PLD5: variants seen among roughly 807,000 people sequenced by gnomAD.
The protein encoded by PLD5 is inactive phospholipase D5.
A neutral mutation model predicts 61.1 loss-of-function variants in PLD5; 36 were observed. The ratio of observed to expected loss-of-function variants is 0.59; its 90% CI spans 0.45 to 0.78. The LOEUF (loss-of-function observed/expected upper bound fraction) is 0.78. Among genes scored for constraint, PLD5 ranks in the 30% least tolerant of loss-of-function variants. The pLI, the probability that PLD5 is intolerant of heterozygous loss-of-function variation, is 0.00. For missense variants in PLD5, 515 were observed against 644.4 expected (o/e 0.80, Z 2.17); for synonymous variants, 243 against 242.8 (o/e 1.00, Z -0.01).
chr1:242,090,999 C>G (rs1305314894), intron 9 of PLD5, among the ~76,000 whole-genome samples: 2 of 151,940 alleles, frequency 1.3e-5, no homozygotes, highest in Non-Finnish European at 2.9e-5. Context: ...GCGATCCCCC[C>G]ACCTCAGCCT....
intron 1 of PLD5, among the ~76,000 whole-genome samples, chr1:242,375,824 G>A (rs1434335489): frequency 6.6e-6 from 1 of 152,086 alleles, no homozygotes; most frequent in Non-Finnish European, 1.5e-5. Flanking sequence ...CAGTGCTTAA[G>A]GTAACGGCCA....
At chr1:242,229,237 C>T (rs748252725) in intron 4 of PLD5, among the ~76,000 whole-genome samples, 4 of 152,212 alleles carry the variant, frequency 2.6e-5, no homozygotes, top group Admixed American at 6.5e-5. Flanking sequence ...TAAAGTTCCA[C>T]ATTCCCCATG....
intron 1 of PLD5, among the ~76,000 whole-genome samples, chr1:242,437,250 T>C (rs1263615538): frequency 6.6e-6 from 1 of 152,068 alleles, no homozygotes; most frequent in Non-Finnish European, 1.5e-5. Context: ...GGTGGATCGG[T>C]ATTATATTGG....
At chr1:242,496,120 C>T (rs548001828) in intron 1 of PLD5, among the ~76,000 whole-genome samples, 1 of 152,122 alleles carries the variant, frequency 6.6e-6, no homozygotes, top group East Asian at 1.9e-4. Context: ...ATTCCTAGAC[C>T]AAAATAATAT....
At position 242,297,402 on chromosome 1, in the gene PLD5, ACTTTTT is replaced by A. The variant is rs1405046631; in HGVS notation, c.327-8878_327-8873del. Among the ~76,000 whole-genome samples, 1,269 of 129,424 alleles carry A rather than the reference ACTTTTT, an allele frequency of 9.8e-3. 15 individuals are homozygous for A. Among genetic ancestry groups the A allele is most frequent in the African/African-American group, 0.021 (714 of 33,924 alleles). The allele number at this position is 129,424 out of a possible 152,430, so 84.9% of individuals were successfully genotyped here. ...CCCCCTTTTCCTATCACCCTTCAAGACTTTTTTTTTTTTTTTTTTTTTAAGGCAGGG... is the reference window on the plus strand; with the variant it reads ...CCCCCTTTTCCTATCACCCTTCAAGATTTTTTTTTTTTTTTTAAGGCAGGG... On this transcript the variant is annotated intron_variant, in intron 2 of 9. Coordinates refer to ENST00000536534, the MANE Select transcript of PLD5 (RefSeq NM_001372062.1).
intron 5 of PLD5, among the ~76,000 whole-genome samples, chr1:242,169,295 C>G (rs1442444353): frequency 2.0e-5 from 3 of 151,992 alleles, no homozygotes; most frequent in African/African-American, 4.8e-5. Context: ...GAGGGTGAGC[C>G]AAAGTAGGGT....
intron 1 of PLD5, among the ~76,000 whole-genome samples, chr1:242,491,423 A>G (rs1428165534): frequency 6.6e-6 from 1 of 152,246 alleles, no homozygotes; most frequent in Non-Finnish European, 1.5e-5. Flanking sequence ...ACAATTACAT[A>G]GATGCCTTAG....
At position 242,394,958 on chromosome 1, in the gene PLD5, AATAT is replaced by A. The variant is rs1207068428; in HGVS notation, c.190-46720_190-46717del. Among the ~76,000 whole-genome samples the A allele has an allele frequency of 3.0e-4, 21 of 69,748 alleles. 2 individuals are homozygous for A. Among genetic ancestry groups the A allele is most frequent in the African/African-American group, 1.0e-3 (18 of 17,210 alleles). 45.8% of individuals were successfully genotyped at this position (69,748 alleles called of 152,430 possible). ...ATATGAATATATATGATTATATATG[AATAT>A]ATATGATTATATATGAATATATATG... is the stretch of plus-strand genomic sequence containing the variant. On this transcript the variant is annotated intron_variant, in intron 1 of 9. Coordinates refer to ENST00000536534, the MANE Select transcript of PLD5 (RefSeq NM_001372062.1).
intron 3 of PLD5, among the ~76,000 whole-genome samples, chr1:242,284,384 G>A (rs185023188): frequency 2.0e-5 from 3 of 151,866 alleles, no homozygotes; most frequent in South Asian, 2.1e-4. Flanking sequence ...TGATCTGCCC[G>A]CCTCGGCCTC....
intron 2 of PLD5, among the ~76,000 whole-genome samples, chr1:242,347,196 G>A (rs1281728782): frequency 6.6e-6 from 1 of 152,158 alleles, no homozygotes; most frequent in Non-Finnish European, 1.5e-5. Context: ...CAACCTCAAA[G>A]CAAAATATCC....
intron 1 of PLD5, among the ~76,000 whole-genome samples, chr1:242,468,825 C>T (rs183375332): frequency 6.6e-6 from 1 of 152,304 alleles, no homozygotes; most frequent in East Asian, 1.9e-4. Context: ...ATAATTCTTA[C>T]TATGCATCAT....
At chr1:242,222,423 G>A (rs771868792) in intron 4 of PLD5, among the ~76,000 whole-genome samples, 1 of 152,290 alleles carries the variant, frequency 6.6e-6, no homozygotes, top group East Asian at 1.9e-4. Context: ...GAAGGTGACC[G>A]TGGTGCTGGC....
At chr1:242,139,217 A>G (rs1663976092) in intron 5 of PLD5, among the ~76,000 whole-genome samples, 1 of 152,168 alleles carries the variant, frequency 6.6e-6, no homozygotes, top group South Asian at 2.1e-4. Context: ...CTAAGGTGAA[A>G]ATATGGTCTC....
intron 1 of PLD5, among the ~76,000 whole-genome samples, chr1:242,474,949 A>G (rs184632569): frequency 6.6e-6 from 1 of 152,310 alleles, no homozygotes; most frequent in Non-Finnish European, 1.5e-5. Context: ...ATTTATATGT[A>G]TATTGTCCAT....
rs567886751 is a variant in PLD5 at position 242,429,593 on chromosome 1, TAAC to T, written c.190-81354_190-81352del. On this transcript the variant is annotated intron_variant, in intron 1 of 9. Transcript: ENST00000536534. ...TTATCAACATGGCTGCAGCTATCCA[TAAC>T]AACCCAGGAAATCTGCATGAAATAT... 3.1e-4 allele frequency among the ~76,000 whole-genome samples: 47 copies of T among 152,284 alleles called. No individual in the cohort carries two copies. The South Asian group carries it at 9.3e-3, about 30-fold the overall frequency.
At chr1:242,492,442 A>G (rs957544872) in intron 1 of PLD5, among the ~76,000 whole-genome samples, 1 of 151,200 alleles carries the variant, frequency 6.6e-6, no homozygotes, top group African/African-American at 2.4e-5. Flanking sequence ...CAATCGCTTG[A>G]GCCCGGGAGG....
intron 2 of PLD5, among the ~76,000 whole-genome samples, chr1:242,297,634 T>C (rs1213264446): frequency 6.5e-3 from 16 of 2,444 alleles, no homozygotes; most frequent in East Asian, 0.028. Context: ...TTTTTTTTTT[T>C]TTTTTTTTTT....
At chr1:242,458,077 G>A (rs1357215817) in intron 1 of PLD5, among the ~76,000 whole-genome samples, 1 of 152,156 alleles carries the variant, frequency 6.6e-6, no homozygotes, top group Non-Finnish European at 1.5e-5. Flanking sequence ...TCACACTACT[G>A]TCTGGTCACT....
chr1:242,143,063 G>C (rs982800183), intron 5 of PLD5, among the ~76,000 whole-genome samples: 3 of 147,502 alleles, frequency 2.0e-5, no homozygotes, highest in Non-Finnish European at 4.5e-5. Flanking sequence ...AGTCTCCCTT[G>C]GTTGCCCAGG....
Sources: allele counts gnomAD v4.1 joint callset (sites outside exome capture counted in the v4.1 genomes callset), GRCh38; gene constraint gnomAD v4.1.1; transcripts MANE v1.5; gene names NCBI Gene and HGNC (gene_info 2026-07-23, HGNC 2026-07-21).